SLC35F4: variants seen among roughly 807,000 people sequenced by gnomAD.
SLC35F4 encodes solute carrier family 35 member F4.
Under a neutral mutation model 44.2 loss-of-function variants are expected in SLC35F4, and 24 were observed. The observed-to-expected ratio is 0.54, with a 90% CI of 0.39 to 0.76. The LOEUF (loss-of-function observed/expected upper bound fraction) is 0.76, where lower values mean the gene tolerates loss of function less well. SLC35F4 is among the 30% of genes least tolerant of loss of function. SLC35F4 has a pLI of 0.00. For missense variants in SLC35F4, 562 were observed against 586.1 expected, an observed-to-expected ratio of 0.96 and a Z score of 0.42; for synonymous variants, 238 against 223.6, an observed-to-expected ratio of 1.06 and a Z score of -0.57.
chr14:57,565,168 A>G (rs538504162), intron 7 of SLC35F4, among the ~76,000 whole-genome samples: 4 of 152,284 alleles, frequency 2.6e-5, no homozygotes, highest in Admixed American at 6.5e-5. Flanking sequence ...CCTTTTTGCT[A>G]TTGTGAATAG....
At chr14:57,765,971 C>T (rs920249428) in intron 1 of SLC35F4, among the ~76,000 whole-genome samples, 2 of 152,258 alleles carry the variant, frequency 1.3e-5, no homozygotes, top group African/African-American at 4.8e-5. Context: ...GGAGAGGTAT[C>T]AGTAAGAGGC....
rs1337769597 is a variant in SLC35F4, at chr14:57,933,337, T to A, written n.282+48576A>T. Among the ~76,000 whole-genome samples, 3 of 152,256 alleles carry A rather than the reference T, an allele frequency of 2.0e-5. No individual in the cohort carries two copies. In the East Asian group the frequency reaches 5.8e-4, roughly 29 times the overall value. On this transcript the variant is annotated intron_variant and non_coding_transcript_variant, in intron 1 of 1. Coordinates refer to the SLC35F4 transcript ENST00000556568. Reference sequence around the variant, plus strand: ...CACACCTGGCCTCTCCTATTTACTTTTAAGTACAGCAAGTTTGGTGTCTCA... The same window carrying A: ...CACACCTGGCCTCTCCTATTTACTTATAAGTACAGCAAGTTTGGTGTCTCA...
intron 2 of SLC35F4, among the ~76,000 whole-genome samples, chr14:57,591,532 T>C (rs1398769475): frequency 1.3e-5 from 2 of 152,230 alleles, no homozygotes; most frequent in Non-Finnish European, 2.9e-5. Flanking sequence ...ACCTGACTTA[T>C]TAAGTAGGTA....
At chr14:57,945,943 G>A (rs1227049110) in intron 1 of SLC35F4, among the ~76,000 whole-genome samples, 1 of 151,976 alleles carries the variant, frequency 6.6e-6, no homozygotes, top group Non-Finnish European at 1.5e-5. Flanking sequence ...GTCTATTCAT[G>A]TCCTTTCCCT....
intron 1 of SLC35F4, among the ~76,000 whole-genome samples, chr14:57,700,133 A>T (rs2075496266): frequency 6.6e-6 from 1 of 152,196 alleles, no homozygotes; most frequent in Non-Finnish European, 1.5e-5. Flanking sequence ...AACATCGTAG[A>T]GTGTACTTAT....
At chr14:57,866,763 G>T (rs1408276266), upstream of SLC35F4, among the ~76,000 whole-genome samples, 1 of 151,980 alleles carries the variant, frequency 6.6e-6, no homozygotes, top group Non-Finnish European at 1.5e-5. Flanking sequence ...GTAAATATCT[G>T]GACGAGTGAA....
intron 1 of SLC35F4, among the ~76,000 whole-genome samples, chr14:57,693,521 G>A (rs1007342748): frequency 3.3e-5 from 5 of 152,198 alleles, no homozygotes; most frequent in Non-Finnish European, 7.3e-5. Context: ...AGCTCCTGCT[G>A]CAGATAACTA....
At chr14:57,807,985 C>G (rs969559007) in intron 1 of SLC35F4, among the ~76,000 whole-genome samples, 1 of 151,624 alleles carries the variant, frequency 6.6e-6, no homozygotes, top group Non-Finnish European at 1.5e-5. Flanking sequence ...CTTTATAAAA[C>G]CATCGGATCT....
At chr14:57,620,732 A>G (rs2072131230) in intron 1 of SLC35F4, among the ~76,000 whole-genome samples, 1 of 152,176 alleles carries the variant, frequency 6.6e-6, no homozygotes, top group Non-Finnish European at 1.5e-5. Flanking sequence ...TTTAGCATGA[A>G]GGGTTGTTGA....
intron 1 of SLC35F4, among the ~76,000 whole-genome samples, chr14:57,828,891 C>T (rs1477406328): frequency 2.0e-5 from 3 of 152,214 alleles, no homozygotes; most frequent in Non-Finnish European, 4.4e-5. Context: ...AATAATTTCT[C>T]CATAGCCCAA....
intron 1 of SLC35F4, among the ~76,000 whole-genome samples, chr14:57,698,098 G>A (rs2075436367): frequency 1.3e-5 from 2 of 152,164 alleles, no homozygotes; most frequent in South Asian, 4.1e-4. Context: ...ATTCTTAAGA[G>A]AATTGAGTTA....
At chr14:57,950,099 T>C (rs188256211) in intron 1 of SLC35F4, among the ~76,000 whole-genome samples, 2 of 152,314 alleles carry the variant, frequency 1.3e-5, no homozygotes, top group Non-Finnish European at 2.9e-5. Flanking sequence ...GAAGTTCTCC[T>C]CAATTATTCC....
chr14:57,782,324 G>A (rs2077642393), intron 1 of SLC35F4, among the ~76,000 whole-genome samples: 1 of 149,170 alleles, frequency 6.7e-6, no homozygotes, highest in South Asian at 2.1e-4. Flanking sequence ...GGAAATTTTT[G>A]AACATTTGCA....
intron 1 of SLC35F4, among the ~76,000 whole-genome samples, chr14:57,889,230 G>T (rs1888710216): frequency 6.6e-6 from 1 of 152,234 alleles, no homozygotes; most frequent in Non-Finnish European, 1.5e-5. Flanking sequence ...TAACCAGGAA[G>T]GATCACTAAC....
intron 4 of SLC35F4, among the ~76,000 whole-genome samples, chr14:57,576,146 G>C (rs983285257): frequency 6.6e-6 from 1 of 152,134 alleles, no homozygotes; most frequent in Non-Finnish European, 1.5e-5. Flanking sequence ...TTGCATAACA[G>C]TACCAGCTCT....
rs528937061 is a variant in SLC35F4, at chr14:57,744,875, A to T, written c.103+120848T>A. On this transcript the variant is annotated intron_variant, in intron 1 of 7. Transcript: ENST00000556826. Reference sequence around the variant, plus strand: ...GCTACAGTAGCCAAAACAGCATGGTACTGGTACCAAAACAGAGATATAGAC... The same window carrying T: ...GCTACAGTAGCCAAAACAGCATGGTTCTGGTACCAAAACAGAGATATAGAC... Among the ~76,000 whole-genome samples, 5 of 152,326 alleles carry T rather than the reference A, an allele frequency of 3.3e-5. No individual in the cohort carries two copies. In the East Asian group the frequency reaches 9.6e-4, roughly 29 times the overall value.
chr14:57,650,061 A>C (rs1183933164), intron 1 of SLC35F4, among the ~76,000 whole-genome samples: 1 of 152,008 alleles, frequency 6.6e-6, no homozygotes, highest in Non-Finnish European at 1.5e-5. Flanking sequence ...CTACTTCCCC[A>C]ACAGTTCCTT....
At chr14:57,979,303 G>A (rs1217390265) in intron 1 of SLC35F4, among the ~76,000 whole-genome samples, 2 of 152,182 alleles carry the variant, frequency 1.3e-5, no homozygotes, top group Non-Finnish European at 2.9e-5. Context: ...AATTCCAAGG[G>A]TACTCTATGA....
At chr14:57,872,369 G>C (rs1888311290) in intron 1 of SLC35F4, among the ~76,000 whole-genome samples, 1 of 151,824 alleles carries the variant, frequency 6.6e-6, no homozygotes, top group Non-Finnish European at 1.5e-5. Flanking sequence ...GCTGATGTGA[G>C]AGGAGGCTCC....
Sources: allele counts gnomAD v4.1 joint callset (sites outside exome capture counted in the v4.1 genomes callset), GRCh38; gene constraint gnomAD v4.1.1; transcripts MANE v1.5; gene names NCBI Gene and HGNC (gene_info 2026-07-23, HGNC 2026-07-21).